The following MACROD2 variants were observed in gnomAD, a reference collection of about 807,000 sequenced individuals.
MACROD2 encodes the protein ADP-ribose glycohydrolase MACROD2.
In MACROD2, 36 loss-of-function variants were observed where a neutral mutation model predicts 70.4. That is an observed-to-expected ratio of 0.51 (90% confidence interval 0.39 to 0.68). The LOEUF is 0.68. Ranked by LOEUF, MACROD2 falls within the 30% of genes least tolerant of loss-of-function variation. The pLI, the probability that MACROD2 is intolerant of heterozygous loss-of-function variation, is 0.00. For synonymous variants in MACROD2, 172 were observed against 178.8 expected, an observed-to-expected ratio of 0.96 and a Z score of 0.30; for missense variants, 496 against 538.4, an observed-to-expected ratio of 0.92 and a Z score of 0.78.
intron 3 of MACROD2, among the ~76,000 whole-genome samples, chr20:14,214,484 C>G (rs1055249859): frequency 6.6e-6 from 1 of 151,906 alleles, no homozygotes; most frequent in East Asian, 1.9e-4. Flanking sequence ...TTTTCTCTGC[C>G]TAAACTCTTT....
intron 3 of MACROD2, among the ~76,000 whole-genome samples, chr20:14,205,536 A>G (rs1296687270): frequency 6.6e-6 from 1 of 152,192 alleles, no homozygotes; most frequent in African/African-American, 2.4e-5. Context: ...TCCGGTGCGC[A>G]TGCGGGCCCT....
chr20:15,253,386 G>A (rs1035082402), intron 6 of MACROD2, among the ~76,000 whole-genome samples: 12 of 152,144 alleles, frequency 7.9e-5, no homozygotes, highest in African/African-American at 2.9e-4. Context: ...AGATTGATTT[G>A]CTGATCTATA....
intron 4 of MACROD2, chr20:14,632,016 C>T (rs1600480345): frequency 6.6e-6 from 1 of 150,996 alleles, no homozygotes. Context: ...ATTAAAATAA[C>T]ATTTGAATTT....
chr20:14,781,369 C>T (rs1486496393), intron 5 of MACROD2, among the ~76,000 whole-genome samples: 4 of 151,504 alleles, frequency 2.6e-5, no homozygotes, highest in East Asian at 1.9e-4. Context: ...GATTTCACTA[C>T]GTGGTGGAAT....
chr20:15,498,143 A>C (rs2047321360), intron 7 of MACROD2, among the ~76,000 whole-genome samples: 1 of 152,222 alleles, frequency 6.6e-6, no homozygotes, highest in Non-Finnish European at 1.5e-5. Flanking sequence ...AAGAAAAATT[A>C]AGCTTGGCTC....
intron 4 of MACROD2, among the ~76,000 whole-genome samples, chr20:14,527,191 T>A (rs2085243709): frequency 6.6e-6 from 1 of 152,188 alleles, no homozygotes; most frequent in African/African-American, 2.4e-5. Flanking sequence ...CTTCTCGACG[T>A]CCAGCCACCT....
At chr20:15,427,421 C>T (rs894581942) in intron 6 of MACROD2, among the ~76,000 whole-genome samples, 1 of 152,206 alleles carries the variant, frequency 6.6e-6, no homozygotes, top group African/African-American at 2.4e-5. Context: ...GAAAGATTCA[C>T]ATAGCTGGAT....
chr20:15,137,227 G>A (rs1382106109), intron 5 of MACROD2, among the ~76,000 whole-genome samples: 19 of 151,140 alleles, frequency 1.3e-4, no homozygotes, highest in South Asian at 6.4e-4. Flanking sequence ...CCAAAGGACT[G>A]TAAATCATGC....
rs554357287 is a variant in MACROD2 at position 15,234,977 on chromosome 20, C to T, written c.540+4916C>T. 2.6e-5 allele frequency among the ~76,000 whole-genome samples: 4 copies of T among 152,160 alleles called. No homozygotes were observed. The East Asian group carries it at 5.8e-4, about 22-fold the overall frequency. The stretch of plus-strand genomic sequence containing the variant: ...ACTTCTGTTTCCCTTCTTTTAACAT[C>T]ATGTTCATTTTTAAAAAACTAATCC... On this transcript the variant is annotated intron_variant, in intron 6 of 17. Transcript: ENST00000684519.
At chr20:15,191,151 C>T (rs930879995) in intron 5 of MACROD2, among the ~76,000 whole-genome samples, 2 of 152,164 alleles carry the variant, frequency 1.3e-5, no homozygotes, top group African/African-American at 4.8e-5. Flanking sequence ...AAGCCTGGGG[C>T]TCATTTCCAC....
chr20:14,092,019 T>C (rs997692767), intron 3 of MACROD2, among the ~76,000 whole-genome samples: 6 of 152,156 alleles, frequency 3.9e-5, no homozygotes, highest in Non-Finnish European at 5.9e-5. Context: ...TGCTAAACTG[T>C]TTTTCATAGT....
chr20:15,134,522 G>T (rs1229253701), intron 5 of MACROD2, among the ~76,000 whole-genome samples: 2 of 152,152 alleles, frequency 1.3e-5, no homozygotes, highest in East Asian at 3.9e-4. Flanking sequence ...AAACCAATGA[G>T]AACACAGACA....
chr20:15,389,006 G>T (rs1039320304), intron 6 of MACROD2, among the ~76,000 whole-genome samples: 1 of 151,904 alleles, frequency 6.6e-6, no homozygotes, highest in East Asian at 1.9e-4. Context: ...TTAGGAGTCA[G>T]GAGGGTGAAA....
chr20:15,671,731 A>G (rs1015825000), intron 8 of MACROD2, among the ~76,000 whole-genome samples: 1 of 152,246 alleles, frequency 6.6e-6, no homozygotes, highest in Non-Finnish European at 1.5e-5. Flanking sequence ...CTTGTGGATC[A>G]GGTTCTCTGC....
intron 4 of MACROD2, among the ~76,000 whole-genome samples, chr20:14,510,579 T>C (rs1342305754): frequency 6.6e-6 from 1 of 152,024 alleles, no homozygotes; most frequent in Non-Finnish European, 1.5e-5. Context: ...TGTAATGACT[T>C]TGGAGCGAGT....
chr20:15,577,233 A>G (rs2048460959), intron 8 of MACROD2, among the ~76,000 whole-genome samples: 2 of 152,106 alleles, frequency 1.3e-5, no homozygotes, highest in South Asian at 4.2e-4. Flanking sequence ...AATGTATACC[A>G]AAGCAGAGAA....
rs375290071 is a variant in MACROD2 at position 15,416,704 on chromosome 20, A to C, written c.541-14701A>C. ...CGGATCACGAGGTCAGGAGATCGAG[A>C]CCATCCTGGCTAACATGGTGATACC... On this transcript the variant is annotated intron_variant, in intron 6 of 17. Coordinates refer to ENST00000684519, the MANE Select transcript of MACROD2 (RefSeq NM_001351661.2). Among the ~76,000 whole-genome samples the C allele has an allele frequency of 4.0e-3, 606 of 152,192 alleles. 2 individuals are homozygous for C. The highest frequency in any genetic ancestry group is 5.8e-3 in the Non-Finnish European group (392 of 68,002).
At position 15,531,389 on chromosome 20, in the gene MACROD2, C is replaced by T. The variant is rs550657932; in HGVS notation, c.645+31542C>T. Among the ~76,000 whole-genome samples the T allele has an allele frequency of 1.4e-3, 209 of 151,826 alleles. 2 individuals carry two copies. The highest frequency in any genetic ancestry group is 2.3e-3 in the Non-Finnish European group (158 of 67,870). On this transcript the variant is annotated intron_variant, in intron 8 of 17. Coordinates refer to ENST00000684519, the MANE Select transcript of MACROD2 (RefSeq NM_001351661.2). The stretch of plus-strand genomic sequence containing the variant: ...ATTAATATTTTTTCTTCTCCTCCAG[C>T]TTATTATTATAAAAATCTTCAAATA...
intron 6 of MACROD2, among the ~76,000 whole-genome samples, chr20:15,271,420 T>C (rs1293470118): frequency 6.6e-6 from 1 of 152,212 alleles, no homozygotes; most frequent in Admixed American, 6.5e-5. Flanking sequence ...ATGAATTTTG[T>C]GGGGACACAA....
Sources: gnomAD v4.1 joint callset for allele counts (sites outside exome capture counted in the v4.1 genomes callset) on GRCh38, gnomAD v4.1.1 for gene constraint, MANE v1.5 for transcripts, NCBI Gene and HGNC (gene_info 2026-07-23, HGNC 2026-07-21) for gene names.